The following CTNNBIP1 variants were observed in gnomAD, a reference collection of about 807,000 sequenced individuals.
The protein encoded by CTNNBIP1 is beta-catenin-interacting protein 1.
A neutral mutation model predicts 11.8 loss-of-function variants in CTNNBIP1; 7 were observed. That is an observed-to-expected ratio of 0.60 (90% CI 0.34 to 1.12). CTNNBIP1 has a LOEUF of 1.12. Ranked by LOEUF, CTNNBIP1 falls within the 50% of genes most tolerant of loss-of-function variation. The probability of loss-of-function intolerance (pLI) is 0.03; values close to 1 mark genes in which losing one functional copy is unlikely to be tolerated. For missense variants in CTNNBIP1, 101 were observed against 113.4 expected (o/e 0.89, Z 0.50); for synonymous variants, 58 against 43.9 (o/e 1.32, Z -1.26).
In CTNNBIP1 at chr1:9,867,445, C is replaced by A. The variant is rs768673630; in HGVS notation, c.187+3742G>T. 2.0e-5 allele frequency among the ~76,000 whole-genome samples: 3 copies of A among 152,188 alleles called. No individual in the cohort carries two copies. The highest frequency in any genetic ancestry group is 4.4e-5 in the Non-Finnish European group (3 of 68,014). ...CCTCCCTGGGCCTCAAGTAAGGGAG[C>A]AGTGCCCCAGGTACCAGACCCATCC... On this transcript the variant is annotated intron_variant, in intron 5 of 5. Coordinates refer to ENST00000377263, the MANE Select transcript of CTNNBIP1 (RefSeq NM_020248.3). This position sits in a 1 kb window ranked among gnomAD's most constrained non-coding sequence, Gnocchi z 4.6.
chr1:9,890,510 G>A (rs1639279896), intron 1 of CTNNBIP1, among the ~76,000 whole-genome samples: 1 of 152,218 alleles, frequency 6.6e-6, no homozygotes, highest in Non-Finnish European at 1.5e-5. Flanking sequence ...TCAGGAACCA[G>A]CACGCCTACA....
chr1:9,865,085 T>C lies in CTNNBIP1; in HGVS notation c.187+6102A>G, dbSNP rs372518683. Among the ~76,000 whole-genome samples the C allele has an allele frequency of 1.6e-3, 245 of 152,080 alleles. 5 individuals are homozygous for C. The South Asian group carries it at 0.02, about 12-fold the overall frequency. On this transcript the variant is annotated intron_variant, in intron 5 of 5. Transcript: ENST00000377263. ...CCCTACTAAATATACAAAAATTAGC[T>C]GGGCATGGTGACATGCACCTGTAAT...
intron 1 of CTNNBIP1, among the ~76,000 whole-genome samples, chr1:9,905,430 T>TC (rs1240805614): frequency 6.8e-6 from 1 of 146,896 alleles, no homozygotes; most frequent in African/African-American, 2.5e-5. Flanking sequence ...CCCTACATTC[T>TC]TTTTTTTTTT....
At position 9,875,581 on chromosome 1, in the gene CTNNBIP1, G is replaced by A. The variant is rs114146516; in HGVS notation, c.-25+2324C>T. 8.5e-3 allele frequency among the ~76,000 whole-genome samples: 1,297 copies of A among 152,352 alleles called. 9 individuals carry two copies. Among genetic ancestry groups the A allele is most frequent in the Middle Eastern group, 0.02 (6 of 294 alleles). ...TGGGCCTGCGGTGTCGTCTGCGCCT[G>A]CATTTTGGAGCCAGGCTACTCCTGC... is the stretch of plus-strand genomic sequence containing the variant. On this transcript the variant is annotated intron_variant, in intron 3 of 5. Transcript: ENST00000377263.
rs187007434 is a variant in CTNNBIP1, at chr1:9,903,918, T to C, written c.-144+6177A>G. On this transcript the variant is annotated intron_variant, in intron 1 of 5. Coordinates refer to ENST00000377263, the MANE Select transcript of CTNNBIP1 (RefSeq NM_020248.3). ...TCTGCCTGGGAGTCATACTGCCTGG[T>C]TTGAATCTGATTCTGTTCCCAACTA... is the stretch of plus-strand genomic sequence containing the variant. 1.5e-3 allele frequency among the ~76,000 whole-genome samples: 225 copies of C among 152,294 alleles called. 2 individuals carry two copies. Among genetic ancestry groups the C allele is most frequent in the African/African-American group, 5.1e-3 (213 of 41,550 alleles).
intron 1 of CTNNBIP1, among the ~76,000 whole-genome samples, chr1:9,906,708 T>C (rs1016900792): frequency 6.6e-6 from 1 of 152,196 alleles, no homozygotes; most frequent in African/African-American, 2.4e-5. Flanking sequence ...GTGAGCCCTG[T>C]GAACAAGACA....
chr1:9,857,203 G>A (rs1273683530), intron 5 of CTNNBIP1, among the ~76,000 whole-genome samples: 3 of 152,096 alleles, frequency 2.0e-5, no homozygotes, highest in Non-Finnish European at 4.4e-5. Context: ...ATGGGTGGCT[G>A]GGCGCGGTGG....
In CTNNBIP1 at chr1:9,850,569, A is replaced by T. The variant is rs1210684377; in HGVS notation, c.*149T>A. 1 of 672,946 alleles carries T rather than the reference A, an allele frequency of 1.5e-6. No individual in the cohort carries two copies. The highest frequency in any genetic ancestry group is 2.7e-6 in the Non-Finnish European group (1 of 370,128). 41.7% of individuals were successfully genotyped at this position (672,946 alleles called of 1,614,324 possible). A position where few individuals can be genotyped will look rare whatever the true frequency, so the allele number is the denominator to read the frequency against. ...GTCTCCCTTGATGCCAGCCCCACTG[A>T]GTAGCTGTGAGGTGGGGTGGGGCAG... is the stretch of plus-strand genomic sequence containing the variant. On this transcript the variant is annotated 3_prime_UTR_variant, in exon 6 of 6. Transcript: ENST00000377263.
Position 9,872,014 on chromosome 1 carries a change from C to T in CTNNBIP1, c.51G>A (p.Gln17=). ...PGKSPEEMYI[Q]QKVRVLLMLR... is the part of the protein sequence containing the mutation. ...GCATGAGCAGCACTCGGACCTTCTGCTGAATGTACATCTCCTCCGGACTCT... is the reference window on the plus strand; with the variant it reads ...GCATGAGCAGCACTCGGACCTTCTGTTGAATGTACATCTCCTCCGGACTCT... Residue 17 remains glutamine (Q), a synonymous_variant, in exon 4 of 6, where the codon CAG becomes CAA. Coordinates refer to ENST00000377263, the MANE Select transcript of CTNNBIP1 (RefSeq NM_020248.3). This position sits in a 1 kb window ranked among gnomAD's most constrained non-coding sequence, Gnocchi z 4.0. 6.2e-7 allele frequency: 1 copy of T among 1,614,222 alleles called. No individual in the cohort carries two copies.
chr1:9,868,145 G>A (rs548325669), intron 5 of CTNNBIP1, among the ~76,000 whole-genome samples: 1 of 152,306 alleles, frequency 6.6e-6, no homozygotes, highest in East Asian at 1.9e-4. Flanking sequence ...TCAGGCCCCG[G>A]CAGCCAGGTT....
intron 1 of CTNNBIP1, among the ~76,000 whole-genome samples, chr1:9,908,985 A>G (rs1639676104): frequency 6.6e-6 from 1 of 152,210 alleles, no homozygotes; most frequent in Non-Finnish European, 1.5e-5. Flanking sequence ...CCGCACCTTT[A>G]TTTATGATCC....
rs1364775918 is a variant in CTNNBIP1 at position 9,883,320 on chromosome 1, G to A, written c.-110+385C>T. The stretch of plus-strand genomic sequence containing the variant: ...TGGGACACCACAGGCAGGACCTCAC[G>A]AGGCCCAGGTGCAGGGCAGAGAGGG... On this transcript the variant is annotated intron_variant, in intron 2 of 5. Transcript: ENST00000377263. This position sits in a 1 kb window ranked among gnomAD's most constrained non-coding sequence, Gnocchi z 5.6. 1.3e-5 allele frequency among the ~76,000 whole-genome samples: 2 copies of A among 152,176 alleles called. No homozygotes were observed. Among genetic ancestry groups the A allele is most frequent in the Non-Finnish European group, 2.9e-5 (2 of 68,030 alleles).
intron 1 of CTNNBIP1, among the ~76,000 whole-genome samples, chr1:9,901,723 G>A (rs1447774783): frequency 3.9e-5 from 6 of 152,200 alleles, no homozygotes; most frequent in Non-Finnish European, 7.3e-5. Flanking sequence ...CACACTTGAA[G>A]ATGTCCAGGT....
chr1:9,876,436 G>A (rs937708827), intron 3 of CTNNBIP1, among the ~76,000 whole-genome samples: 17 of 152,110 alleles, frequency 1.1e-4, no homozygotes. Flanking sequence ...GGCCAACATG[G>A]TGAAACCCAG....
chr1:9,895,584 C>T lies in CTNNBIP1; in HGVS notation c.-143-11846G>A, dbSNP rs1488957506. ...GATCTCGGCTCACTGCAACCTCCGC[C>T]TCCCGGGTTCAAGCGATTCCATTGC... On this transcript the variant is annotated intron_variant, in intron 1 of 5. Transcript: ENST00000377263. 2.0e-5 allele frequency among the ~76,000 whole-genome samples: 3 copies of T among 152,318 alleles called. No individual in the cohort carries two copies. In the East Asian group the frequency reaches 5.8e-4, roughly 29 times the overall value.
At chr1:9,904,179 C>T (rs893933969) in intron 1 of CTNNBIP1, among the ~76,000 whole-genome samples, 9 of 152,214 alleles carry the variant, frequency 5.9e-5, no homozygotes, top group African/African-American at 2.2e-4. Context: ...TACAAATCTA[C>T]AGATGACATA....
chr1:9,909,162 A>T (rs1045263364), intron 1 of CTNNBIP1, among the ~76,000 whole-genome samples: 11 of 152,220 alleles, frequency 7.2e-5, no homozygotes, highest in Admixed American at 5.9e-4. Context: ...ACAAACCATG[A>T]CTTGCCTCCA....
Position 9,871,966 on chromosome 1 carries a change from C to A in CTNNBIP1, c.96+3G>T, listed in dbSNP as rs1638871713. 6.2e-7 allele frequency: 1 copy of A among 1,613,702 alleles called. No individual in the cohort carries two copies. The highest frequency in any genetic ancestry group is 1.3e-5 in the African/African-American group (1 of 74,926). ...CGCTGCCTGACACCCCACAGGCACT[C>A]ACGTTTGATCCCATCTTCCGCAGCA... On this transcript the variant is annotated splice_donor_region_variant and intron_variant, in intron 4 of 5. Transcript: ENST00000377263. This position sits in a 1 kb window ranked among gnomAD's most constrained non-coding sequence, Gnocchi z 5.2.
At chr1:9,885,527 A>T (rs901322864) in intron 1 of CTNNBIP1, among the ~76,000 whole-genome samples, 1 of 152,012 alleles carries the variant, frequency 6.6e-6, no homozygotes, top group Admixed American at 6.6e-5. Context: ...ACTTGCAGTC[A>T]CAGTTATTCT....
Sources: allele counts gnomAD v4.1 joint callset (sites outside exome capture counted in the v4.1 genomes callset), GRCh38; gene constraint gnomAD v4.1.1; non-coding constraint Gnocchi (gnomAD v3.1); transcripts MANE v1.5; gene names NCBI Gene and HGNC (gene_info 2026-07-23, HGNC 2026-07-21).